The following LARGE1 variants were observed in gnomAD, a reference collection of about 807,000 sequenced individuals.
LARGE1 encodes xylosyl- and glucuronyltransferase LARGE1.
LARGE1 carries 43 observed loss-of-function variants against 87.6 expected under a neutral mutation model. The observed-to-expected ratio is 0.49, with a 90% CI of 0.38 to 0.63. LARGE1 has a LOEUF of 0.63. LARGE1 is among the 30% of genes least tolerant of loss of function. LARGE1 has a pLI of 0.00. For missense variants in LARGE1, 802 were observed against 1,000.2 expected (o/e 0.80, Z 2.67); for synonymous variants, 434 against 394.6 (o/e 1.10, Z -1.18).
intron 2 of LARGE1, among the ~76,000 whole-genome samples, chr22:33,693,528 T>C (rs1000329636): frequency 1.3e-5 from 2 of 152,192 alleles, no homozygotes; most frequent in African/African-American, 4.8e-5. Context: ...CATTCTACTA[T>C]GAAAACCTCA....
chr22:33,120,435 T>G, the LARGE1 span, among the ~76,000 whole-genome samples: 1 of 149,082 alleles, frequency 6.7e-6, no homozygotes, highest in African/African-American at 2.5e-5. Flanking sequence ...TCTCTCTCTC[T>G]CCTTCCTTCC....
chr22:33,754,927 C>G (rs1312006113), intron 2 of LARGE1, among the ~76,000 whole-genome samples: 4 of 152,120 alleles, frequency 2.6e-5, no homozygotes, highest in African/African-American at 4.8e-5. Flanking sequence ...GATGGGGGAG[C>G]AGACACAGGG....
intron 1 of LARGE1, among the ~76,000 whole-genome samples, chr22:33,833,093 T>C (rs1300001080): frequency 6.6e-6 from 1 of 152,158 alleles, no homozygotes; most frequent in Non-Finnish European, 1.5e-5. Context: ...AGCACTGTGC[T>C]CACCAAGCAG....
At chr22:33,598,062 C>T (rs9609841) in intron 5 of LARGE1, among the ~76,000 whole-genome samples, 12,935 of 152,130 alleles carry the variant, frequency 0.085, 680 homozygotes, top group African/African-American at 0.14. Flanking sequence ...CAGGAACACC[C>T]AGAGAAGGAA....
the LARGE1 span, among the ~76,000 whole-genome samples, chr22:33,121,804 G>A: frequency 6.6e-6 from 1 of 152,210 alleles, no homozygotes; most frequent in Non-Finnish European, 1.5e-5. Context: ...GGCTGGGGAG[G>A]CCTCACTCAT....
At chr22:33,259,538 C>T (rs1372578246) in intron 11 of LARGE1, among the ~76,000 whole-genome samples, 2 of 152,186 alleles carry the variant, frequency 1.3e-5, no homozygotes, top group Non-Finnish European at 2.9e-5. Flanking sequence ...ACTTTACATG[C>T]ATATCTTCAT....
At chr22:33,761,579 G>T (rs1280703827) in intron 1 of LARGE1, 21 bp from the exon 2 acceptor site, 4 of 882,580 alleles carry the variant, frequency 4.5e-6, no homozygotes, top group African/African-American at 1.7e-5. Flanking sequence ...GAGCAAAGAG[G>T]AAGGCCTGAG....
chr22:33,498,381 G>T (rs2070253768), intron 6 of LARGE1, among the ~76,000 whole-genome samples: 1 of 152,128 alleles, frequency 6.6e-6, no homozygotes, highest in Non-Finnish European at 1.5e-5. Flanking sequence ...TTTTTAGAAT[G>T]ACTTGGTAGG....
intron 12 of LARGE1, among the ~76,000 whole-genome samples, chr22:33,295,213 T>C (rs1361381080): frequency 2.6e-5 from 4 of 152,140 alleles, no homozygotes; most frequent in Non-Finnish European, 1.5e-5. Context: ...AGATGCACCA[T>C]CATTTTCTTA....
chr22:33,755,954 A>T (rs189475289), intron 2 of LARGE1, among the ~76,000 whole-genome samples: 2 of 152,360 alleles, frequency 1.3e-5, no homozygotes, highest in East Asian at 3.9e-4. Flanking sequence ...CATTAGGGGA[A>T]AATGACATTG....
intron 6 of LARGE1, among the ~76,000 whole-genome samples, chr22:33,482,362 C>T (rs1042807780): frequency 6.6e-6 from 1 of 152,120 alleles, no homozygotes; most frequent in Non-Finnish European, 1.5e-5. Flanking sequence ...ACACATTTAT[C>T]GGGCATTAAG....
intron 1 of LARGE1, among the ~76,000 whole-genome samples, chr22:33,782,682 T>C (rs1473980126): frequency 2.0e-5 from 3 of 151,802 alleles, no homozygotes; most frequent in African/African-American, 4.8e-5. Flanking sequence ...CTGGCCAACA[T>C]GGTGAAACCC....
At chr22:33,508,879 G>A (rs976587079) in intron 6 of LARGE1, among the ~76,000 whole-genome samples, 1 of 152,124 alleles carries the variant, frequency 6.6e-6, no homozygotes, top group African/African-American at 2.4e-5. Context: ...TCAAATGGTG[G>A]GGATGTCTTT....
chr22:33,836,561 G>A (rs1010954388), intron 1 of LARGE1, among the ~76,000 whole-genome samples: 1 of 152,072 alleles, frequency 6.6e-6, no homozygotes, highest in Non-Finnish European at 1.5e-5. Flanking sequence ...ACCCATTTAA[G>A]GTTCAATGTT....
intron 1 of LARGE1, among the ~76,000 whole-genome samples, chr22:33,820,502 G>A (rs2086787064): frequency 6.6e-6 from 1 of 151,742 alleles, no homozygotes; most frequent in South Asian, 2.1e-4. Context: ...TTTATTTTAA[G>A]TAGAGATGAG....
At chr22:33,764,880 C>T (rs1296085629) in intron 1 of LARGE1, among the ~76,000 whole-genome samples, 1 of 152,190 alleles carries the variant, frequency 6.6e-6, no homozygotes, top group Non-Finnish European at 1.5e-5. Flanking sequence ...GTGTTCAGTA[C>T]AGTTGCAACC....
At position 33,206,412 on chromosome 22, in the gene LARGE1, T is replaced by C. The variant is rs113689276; in HGVS notation, c.1731-39580A>G. 1.0e-2 allele frequency among the ~76,000 whole-genome samples: 1,520 copies of C among 152,268 alleles called. 30 individuals carry two copies. The highest frequency in any genetic ancestry group is 0.034 in the African/African-American group (1,413 of 41,534). The stretch of plus-strand genomic sequence containing the variant: ...TGACCAAATTGCATGACTTTTTTTT[T>C]CCATTTTGCCATGCAAGTTTTCCCT... On this transcript the variant is annotated intron_variant, in intron 11 of 11. Transcript: ENST00000608642.
chr22:33,376,666 A>AATT (rs1458451868), intron 9 of LARGE1, among the ~76,000 whole-genome samples: 1 of 152,216 alleles, frequency 6.6e-6, no homozygotes, highest in Non-Finnish European at 1.5e-5. Flanking sequence ...GCTGTCTTTA[A>AATT]AGCCTAGGTT....
intron 7 of LARGE1, among the ~76,000 whole-genome samples, chr22:33,412,749 C>T (rs115292235): frequency 0.011 from 1,655 of 152,304 alleles, 33 homozygotes; most frequent in African/African-American, 0.037. Flanking sequence ...CAACCTCTAC[C>T]TTGCTGGTTC....
Sources: allele counts gnomAD v4.1 joint callset (sites outside exome capture counted in the v4.1 genomes callset), GRCh38; gene constraint gnomAD v4.1.1; transcripts MANE v1.5; gene names NCBI Gene and HGNC (gene_info 2026-07-23, HGNC 2026-07-21).